Variants in LIMCH1 observed in about 807,000 individuals in gnomAD.
The protein encoded by LIMCH1 is LIM and calponin homology domains 1, also known as LIM and calponin homology domains-containing protein 1.
Under a neutral mutation model 176.5 loss-of-function variants are expected in LIMCH1, and 113 were observed. That is an observed-to-expected ratio of 0.64 (90% CI 0.55 to 0.75). The LOEUF (loss-of-function observed/expected upper bound fraction) is 0.75. Ranked by LOEUF, LIMCH1 falls within the 30% of genes least tolerant of loss-of-function variation. The pLI is 0.00. For missense variants in LIMCH1, 1,674 were observed against 1,814.9 expected (o/e 0.92, Z 1.41); for synonymous variants, 619 against 645.9 (o/e 0.96, Z 0.63).
intron 19 of LIMCH1, chr4:41,661,889 G>A: frequency 5.0e-6 from 2 of 396,216 alleles, no homozygotes; most frequent in Non-Finnish European, 9.6e-6. Flanking sequence ...ACGCTGAAAT[G>A]GTAAAGCTCA....
chr4:41,495,627 T>C (rs989562570), intron 2 of LIMCH1, among the ~76,000 whole-genome samples: 6 of 152,204 alleles, frequency 3.9e-5, no homozygotes, highest in Non-Finnish European at 7.3e-5. Context: ...GAGATTGATG[T>C]TCTTACTTTA....
At chr4:41,390,494 C>T (rs2057109746) in intron 1 of LIMCH1, among the ~76,000 whole-genome samples, 1 of 152,154 alleles carries the variant, frequency 6.6e-6, no homozygotes, top group South Asian at 2.1e-4. Flanking sequence ...GGCATCAAGG[C>T]ACCTAGGCTT....
intron 7 of LIMCH1, 51 bp from the exon 8 acceptor site, chr4:41,626,657 A>G: frequency 4.9e-6 from 7 of 1,442,954 alleles, no homozygotes; most frequent in Non-Finnish European, 6.5e-6. Flanking sequence ...TGGAGATTTA[A>G]TTTTTTTTGT....
At chr4:41,579,993 C>T (rs1207493877) in intron 1 of LIMCH1, among the ~76,000 whole-genome samples, 1 of 152,106 alleles carries the variant, frequency 6.6e-6, no homozygotes, top group Non-Finnish European at 1.5e-5. Flanking sequence ...AGGGCACCAC[C>T]AGGCTCATTT....
intron 1 of LIMCH1, among the ~76,000 whole-genome samples, chr4:41,431,214 A>G (rs948917910): frequency 5.3e-5 from 8 of 152,186 alleles, no homozygotes; most frequent in African/African-American, 1.9e-4. Context: ...TCTTCTCTGC[A>G]AAATTCAGAG....
At chr4:41,443,726 A>C (rs922574474) in intron 1 of LIMCH1, among the ~76,000 whole-genome samples, 1 of 152,192 alleles carries the variant, frequency 6.6e-6, no homozygotes, top group Non-Finnish European at 1.5e-5. Context: ...GATAAAATGG[A>C]ATGTTCTCAG....
At chr4:41,634,584 C>T (rs995934537) in intron 13 of LIMCH1, among the ~76,000 whole-genome samples, 1 of 152,168 alleles carries the variant, frequency 6.6e-6, no homozygotes, top group African/African-American at 2.4e-5. Context: ...ATCTTGATCA[C>T]CTGAATTTAA....
At chr4:41,609,588 A>C in intron 4 of LIMCH1, 1 of 447,878 alleles carries the variant, frequency 2.2e-6, no homozygotes, top group South Asian at 1.6e-5. Flanking sequence ...AGTTTCTCAG[A>C]AACTGTTAAG....
chr4:41,495,826 A>G (rs1176285950), intron 2 of LIMCH1, among the ~76,000 whole-genome samples: 1 of 152,032 alleles, frequency 6.6e-6, no homozygotes, highest in African/African-American at 2.4e-5. Context: ...TCCTGTCAGC[A>G]TTTTTTTCTG....
chr4:41,418,025 T>G (rs1199090030), intron 1 of LIMCH1, among the ~76,000 whole-genome samples: 8 of 152,234 alleles, frequency 5.3e-5, no homozygotes, highest in Admixed American at 1.3e-4. Context: ...TGAAAGTTGT[T>G]TAATTCGAGC....
intron 31 of LIMCH1, chr4:41,693,018 A>G (rs1031919991): frequency 2.0e-5 from 3 of 152,226 alleles, no homozygotes; most frequent in South Asian, 4.1e-4. Flanking sequence ...CGGGCCTCCT[A>G]CTGTGGAAGG....
chr4:41,650,341 T>C (rs2094239034), intron 17 of LIMCH1, 52 bp from the exon 18 acceptor site: 2 of 1,291,526 alleles, frequency 1.5e-6, no homozygotes. Context: ...TTTGTTACAG[T>C]CTTTGATTGG....
At chr4:41,627,155 G>C in intron 8 of LIMCH1, 145 bp downstream of exon 8, 1 of 1,131,612 alleles carries the variant, frequency 8.8e-7, no homozygotes, top group Non-Finnish European at 1.2e-6. Context: ...TATGTACTTT[G>C]TAATGGGGGT....
intron 14 of LIMCH1, among the ~76,000 whole-genome samples, chr4:41,642,759 AGTAGAGAAGGGGTTTCACCAT>A (rs2093887244): frequency 1.4e-5 from 1 of 71,666 alleles, no homozygotes; most frequent in Non-Finnish European, 3.0e-5. Context: ...TTGTATTTTT[AGTAGAGAAGGGGTTTCACCAT>A]GTTGGCCAGG....
intron 1 of LIMCH1, among the ~76,000 whole-genome samples, chr4:41,583,553 A>G (rs1431610909): frequency 1.3e-5 from 2 of 152,204 alleles, no homozygotes; most frequent in East Asian, 3.8e-4. Context: ...TTTTGAATAT[A>G]CTTTTTTTTC....
intron 2 of LIMCH1, among the ~76,000 whole-genome samples, chr4:41,495,022 T>C (rs2071833529): frequency 6.6e-6 from 1 of 152,206 alleles, no homozygotes; most frequent in Non-Finnish European, 1.5e-5. Flanking sequence ...ACATGCCGGG[T>C]AATGCTCCTC....
At chr4:41,642,935 A>G (rs1405413697) in intron 14 of LIMCH1, among the ~76,000 whole-genome samples, 1 of 152,156 alleles carries the variant, frequency 6.6e-6, no homozygotes, top group South Asian at 2.1e-4. Flanking sequence ...CACTGAATAC[A>G]TGGAGGCAGC....
chr4:41,418,427 G>A (rs959563751), intron 1 of LIMCH1, among the ~76,000 whole-genome samples: 6 of 152,212 alleles, frequency 3.9e-5, no homozygotes, highest in African/African-American at 1.2e-4. Context: ...TCAGCCACAT[G>A]CATGTACAGG....
chr4:41,629,872 A>G, intron 9 of LIMCH1, 138 bp downstream of exon 9: 1 of 1,018,298 alleles, frequency 9.8e-7, no homozygotes, highest in Non-Finnish European at 1.4e-6. Flanking sequence ...TAGTGGCTTG[A>G]TCACAGTTCA....
Sources: allele counts gnomAD v4.1 joint callset (sites outside exome capture counted in the v4.1 genomes callset), GRCh38; gene constraint gnomAD v4.1.1; transcripts MANE v1.5; gene names NCBI Gene and HGNC (gene_info 2026-07-23, HGNC 2026-07-21).